Variants in CAST observed in about 807,000 individuals in gnomAD.
The protein encoded by CAST is MIR583 host.
Under a neutral mutation model 119.6 loss-of-function variants are expected in CAST, and 76 were observed. The observed-to-expected ratio is 0.64, with a 90% CI of 0.53 to 0.77. The LOEUF (loss-of-function observed/expected upper bound fraction) is 0.77. Ranked by LOEUF, CAST falls within the 30% of genes least tolerant of loss-of-function variation. The pLI, the probability that CAST is intolerant of heterozygous loss-of-function variation, is 0.00. For synonymous variants in CAST, 319 were observed against 331.6 expected, an observed-to-expected ratio of 0.96 and a Z score of 0.41; for missense variants, 953 against 946.5, an observed-to-expected ratio of 1.01 and a Z score of -0.09.
At chr5:95,974,213 T>A in the CAST span, among the ~76,000 whole-genome samples, 1 of 152,220 alleles carries the variant, frequency 6.6e-6, no homozygotes, top group African/African-American at 2.4e-5. Flanking sequence ...GGAGTGTCAG[T>A]TGGTGGGAAC....
chr5:96,623,751 A>C (rs763884950), intron 1 of CAST, among the ~76,000 whole-genome samples: 99 of 152,330 alleles, frequency 6.5e-4, no homozygotes, highest in Non-Finnish European at 1.3e-3. Context: ...TCTGTTTCCC[A>C]GTGGCACAAT....
chr5:95,967,648 T>C, the CAST span, among the ~76,000 whole-genome samples: 1 of 152,260 alleles, frequency 6.6e-6, no homozygotes, highest in South Asian at 2.1e-4. Context: ...TTTCCCTCTT[T>C]GCTTGGCACT....
chr5:96,748,815 T>C, intron 19 of CAST: 1 of 466,960 alleles, frequency 2.1e-6, no homozygotes, highest in Non-Finnish European at 3.8e-6. Context: ...AGTCCTGCAA[T>C]GACTCCTTCG....
At chr5:96,363,099 C>T in the CAST span, among the ~76,000 whole-genome samples, 1 of 145,492 alleles carries the variant, frequency 6.9e-6, no homozygotes, top group African/African-American at 2.6e-5. Flanking sequence ...GGAATCCTTT[C>T]CCCATTGCTT....
chr5:96,045,116 G>A, the CAST span, among the ~76,000 whole-genome samples: 9 of 152,150 alleles, frequency 5.9e-5, no homozygotes, highest in Admixed American at 2.0e-4. Flanking sequence ...ACTTTGGGAG[G>A]CTGAGGCGGA....
chr5:96,181,703 A>C, the CAST span, among the ~76,000 whole-genome samples: 1 of 152,118 alleles, frequency 6.6e-6, no homozygotes, highest in Non-Finnish European at 1.5e-5. Flanking sequence ...GTTTATGGTT[A>C]TTTCTTCATT....
chr5:96,196,705 C>T, the CAST span, among the ~76,000 whole-genome samples: 1 of 152,078 alleles, frequency 6.6e-6, no homozygotes, highest in African/African-American at 2.4e-5. Context: ...AAGATGAGGT[C>T]AAAAAGAAGG....
chr5:96,739,466 A>G (rs1051035604), intron 11 of CAST, among the ~76,000 whole-genome samples: 3 of 152,262 alleles, frequency 2.0e-5, no homozygotes, highest in Non-Finnish European at 4.4e-5. Flanking sequence ...TATGTAGAAT[A>G]TGATACCATT....
the CAST span, among the ~76,000 whole-genome samples, chr5:96,119,528 C>T: frequency 5.3e-5 from 8 of 152,152 alleles, no homozygotes; most frequent in South Asian, 1.2e-3. Flanking sequence ...CCAGCTTGTA[C>T]CCTGGAGATA....
the CAST span, among the ~76,000 whole-genome samples, chr5:96,012,621 G>A: frequency 6.6e-6 from 1 of 152,110 alleles, no homozygotes; most frequent in Admixed American, 6.6e-5. Context: ...TTCAAGTTTA[G>A]AAAAGTTACA....
intron 8 of CAST, among the ~76,000 whole-genome samples, chr5:96,730,265 G>C (rs73775909): frequency 0.011 from 1,658 of 152,268 alleles, 33 homozygotes; most frequent in African/African-American, 0.038. Context: ...GAGAGCACTT[G>C]GAAGATAATA....
chr5:96,367,263 C>T, the CAST span, among the ~76,000 whole-genome samples: 26 of 151,818 alleles, frequency 1.7e-4, no homozygotes, highest in African/African-American at 5.6e-4. Context: ...TTAGGCTACT[C>T]GGGTGTCAGG....
the CAST span, among the ~76,000 whole-genome samples, chr5:96,277,364 T>C: frequency 2.0e-5 from 3 of 149,478 alleles, no homozygotes; most frequent in African/African-American, 7.4e-5. Context: ...AGCTTTTATA[T>C]TGGTTTTTTT....
At chr5:96,276,131 C>T in the CAST span, among the ~76,000 whole-genome samples, 1 of 152,144 alleles carries the variant, frequency 6.6e-6, no homozygotes, top group South Asian at 2.1e-4. Flanking sequence ...CTTTAACTCT[C>T]AAATCCTTAG....
chr5:96,701,545 C>T (rs1753892132), intron 3 of CAST, among the ~76,000 whole-genome samples: 3 of 152,146 alleles, frequency 2.0e-5, no homozygotes, highest in Admixed American at 2.0e-4. Flanking sequence ...TGGCTCATGC[C>T]TGTAATCCCA....
intron 1 of CAST, among the ~76,000 whole-genome samples, chr5:96,639,259 T>TAGGAAGAGGGCAGAGGC (rs1747921911): frequency 6.6e-6 from 1 of 152,100 alleles, no homozygotes; most frequent in South Asian, 2.1e-4. Context: ...CACATGATCC[T>TAGGAAGAGGGCAGAGGC]AGGAAGAGGG....
intron 22 of CAST, among the ~76,000 whole-genome samples, chr5:96,756,810 A>G (rs960073838): frequency 6.6e-6 from 1 of 152,294 alleles, no homozygotes; most frequent in East Asian, 1.9e-4. Flanking sequence ...TCCTTTTACT[A>G]AAGAGCCCCG....
the CAST span, among the ~76,000 whole-genome samples, chr5:95,983,460 C>T: frequency 6.6e-6 from 1 of 152,180 alleles, no homozygotes; most frequent in Non-Finnish European, 1.5e-5. Flanking sequence ...AAAGACACAA[C>T]TATGGGCATT....
chr5:96,474,061 G>A, the CAST span, among the ~76,000 whole-genome samples: 4 of 152,106 alleles, frequency 2.6e-5, no homozygotes, highest in Non-Finnish European at 5.9e-5. Context: ...AGCAGGGGAG[G>A]AAAGCGGGGG....
Sources: allele counts gnomAD v4.1 joint callset (sites outside exome capture counted in the v4.1 genomes callset), GRCh38; gene constraint gnomAD v4.1.1; transcripts MANE v1.5; gene names NCBI Gene and HGNC (gene_info 2026-07-23, HGNC 2026-07-21).